Variants in DNMBP observed in about 807,000 individuals in gnomAD.
The protein encoded by DNMBP is dynamin binding protein.
Under a neutral mutation model 150.0 loss-of-function variants are expected in DNMBP, and 87 were observed. That is an observed-to-expected ratio of 0.58 (90% CI 0.49 to 0.69). DNMBP has a LOEUF of 0.69. DNMBP is among the 30% of genes least tolerant of loss of function. DNMBP has a pLI of 0.00. For missense variants in DNMBP, 1,774 were observed against 1,949.0 expected, an observed-to-expected ratio of 0.91 and a Z score of 1.69; for synonymous variants, 711 against 750.4, an observed-to-expected ratio of 0.95 and a Z score of 0.86.
intron 1 of DNMBP, among the ~76,000 whole-genome samples, chr10:99,983,817 T>A (rs986007079): frequency 6.6e-6 from 1 of 152,216 alleles, no homozygotes; most frequent in African/African-American, 2.4e-5. Context: ...CTACTTATAT[T>A]GCAACACTTT....
At position 99,908,076 on chromosome 10, in the gene DNMBP, C is replaced by G. The variant is rs764339114; in HGVS notation, c.2473G>C (p.Glu825Gln). ...ATCTGCATATTTCCAAAAAGTCCCT[C>G]AAAATCAATGTTTGGTACCTGAGAA... is the stretch of plus-strand genomic sequence containing the variant. ...QQAQVPNIDF[E>Q]GLFGNMQMVI... The change falls in exon 6 of 17, where the codon GAG (glutamate) becomes CAG (glutamine). Residue 825 changes from glutamate to glutamine, a missense_variant. Transcript: ENST00000324109. 3.1e-6 allele frequency: 5 copies of G among 1,613,484 alleles called. No homozygotes were observed. The Admixed American group carries it at 6.7e-5, about 22-fold the overall frequency.
chr10:99,904,099 A>G (rs2039786720), intron 6 of DNMBP, among the ~76,000 whole-genome samples: 2 of 152,180 alleles, frequency 1.3e-5, no homozygotes, highest in South Asian at 4.2e-4. Context: ...AACATCGGAC[A>G]TAAAAATTAG....
intron 5 of DNMBP, 27 bp from the exon 6 acceptor site, chr10:99,908,121 A>G (rs2039849713): frequency 1.4e-6 from 2 of 1,481,138 alleles, no homozygotes; most frequent in Non-Finnish European, 9.4e-7. Flanking sequence ...AAACATAAAA[A>G]TGCACGGAAA....
chr10:99,898,231 T>C lies in DNMBP; in HGVS notation c.2775A>G (p.Arg925=). Residue 925 remains arginine, a synonymous_variant, in exon 9 of 17, where the codon AGA becomes AGG. Coordinates refer to ENST00000324109, the MANE Select transcript of DNMBP (RefSeq NM_015221.4). ...TTAGCAACAGCGGGTAACGCATTACTCTCTGTACTGGTTTGATGAGGAAGG... is the reference window on the plus strand; with the variant it reads ...TTAGCAACAGCGGGTAACGCATTACCCTCTGTACTGGTTTGATGAGGAAGG... ...LGSFLIKPVQ[R]VMRYPLLLME... is the part of the protein sequence containing the mutation. 1 of 1,614,074 alleles carries C rather than the reference T, an allele frequency of 6.2e-7. No individual in the cohort carries two copies. The highest frequency in any genetic ancestry group is 8.5e-7 in the Non-Finnish European group (1 of 1,179,946).
chr10:99,946,867 A>G (rs2040362933), intron 4 of DNMBP, among the ~76,000 whole-genome samples: 1 of 152,130 alleles, frequency 6.6e-6, no homozygotes, highest in Admixed American at 6.5e-5. Context: ...TTTATAAGGA[A>G]CTTAACAAGA....
chr10:99,890,353 T>G (rs1274358342), intron 11 of DNMBP, among the ~76,000 whole-genome samples: 1 of 152,230 alleles, frequency 6.6e-6, no homozygotes, highest in Non-Finnish European at 1.5e-5. Context: ...AGGCTTTTCA[T>G]TTTGTGGCAT....
chr10:99,891,273 C>A (rs1036840648), intron 11 of DNMBP, among the ~76,000 whole-genome samples: 13 of 148,294 alleles, frequency 8.8e-5, no homozygotes, highest in African/African-American at 2.5e-4. Context: ...CGGCTCACTG[C>A]AACCTCCCTG....
intron 4 of DNMBP, among the ~76,000 whole-genome samples, chr10:99,917,183 C>A (rs1564731281): frequency 6.6e-6 from 1 of 152,068 alleles, no homozygotes; most frequent in African/African-American, 2.4e-5. Flanking sequence ...ATGGCGAAAA[C>A]CCGTCTCCAC....
At chr10:99,898,470 TC>T in intron 8 of DNMBP, 185 bp from the exon 9 acceptor site, 1 of 695,926 alleles carries the variant, frequency 1.4e-6, no homozygotes, top group South Asian at 1.6e-5. Flanking sequence ...TTTCAGTCAT[TC>T]AACATGTATT....
At chr10:99,916,132 T>C (rs2039962692) in intron 4 of DNMBP, among the ~76,000 whole-genome samples, 1 of 152,252 alleles carries the variant, frequency 6.6e-6, no homozygotes, top group Admixed American at 6.5e-5. Flanking sequence ...CATATTAATA[T>C]GATTGCATTT....
intron 9 of DNMBP, 172 bp from the exon 10 acceptor site, chr10:99,896,569 A>C: frequency 1.5e-6 from 1 of 645,504 alleles, no homozygotes; most frequent in Non-Finnish European, 2.6e-6. Flanking sequence ...AGCACAGCAG[A>C]GAGACAATGG....
Position 99,946,365 on chromosome 10 carries a change from A to G in DNMBP, c.2260+8849T>C, listed in dbSNP as rs554724428. 4.6e-5 allele frequency among the ~76,000 whole-genome samples: 7 copies of G among 152,374 alleles called. No homozygotes were observed. In the South Asian group the frequency reaches 1.4e-3, roughly 32 times the overall value. The stretch of plus-strand genomic sequence containing the variant: ...TAGTCACAAAACAAAGATCAACACT[A>G]TCAGATAGAGCAACTAATGCTCTGT... On this transcript the variant is annotated intron_variant, in intron 4 of 16. Coordinates refer to ENST00000324109, the MANE Select transcript of DNMBP (RefSeq NM_015221.4).
intron 3 of DNMBP, among the ~76,000 whole-genome samples, chr10:99,962,626 G>A (rs543372341): frequency 1.4e-4 from 21 of 148,898 alleles, no homozygotes; most frequent in African/African-American, 4.3e-4. Flanking sequence ...GCGAGACTCC[G>A]TCTCAAAAAA....
At chr10:99,935,010 CG>C (rs1171166314) in intron 4 of DNMBP, among the ~76,000 whole-genome samples, 3 of 119,028 alleles carry the variant, frequency 2.5e-5, no homozygotes, top group African/African-American at 9.7e-5. Flanking sequence ...CAGTTGAGCC[CG>C]GGTGGTCAAG....
At chr10:99,975,488 C>A (rs560615615) in intron 1 of DNMBP, among the ~76,000 whole-genome samples, 1 of 152,156 alleles carries the variant, frequency 6.6e-6, no homozygotes, top group East Asian at 1.9e-4. Flanking sequence ...ACAAACATTA[C>A]CTATTTAATT....
At chr10:99,934,026 G>A (rs1180596968) in intron 4 of DNMBP, among the ~76,000 whole-genome samples, 1 of 152,184 alleles carries the variant, frequency 6.6e-6, no homozygotes, top group African/African-American at 2.4e-5. Context: ...GTGAGCCACT[G>A]CGCCCAGCCT....
intron 3 of DNMBP, among the ~76,000 whole-genome samples, chr10:99,968,377 GA>G (rs1314557572): frequency 1.3e-5 from 2 of 151,762 alleles, no homozygotes; most frequent in Non-Finnish European, 2.9e-5. Flanking sequence ...GTTTTTAAAA[GA>G]AAAAAAGAGA....
intron 14 of DNMBP, among the ~76,000 whole-genome samples, chr10:99,884,469 G>A (rs546967523): frequency 1.3e-5 from 2 of 152,088 alleles, no homozygotes; most frequent in African/African-American, 2.4e-5. Context: ...TGTGACAAAC[G>A]TGATTAAAAT....
At chr10:99,895,563 CCT>C (rs1194876342) in intron 10 of DNMBP, among the ~76,000 whole-genome samples, 1 of 152,216 alleles carries the variant, frequency 6.6e-6, no homozygotes, top group Non-Finnish European at 1.5e-5. Flanking sequence ...CTCCTTTAAA[CCT>C]TCTTTGCAAG....
Sources: allele counts gnomAD v4.1 joint callset (sites outside exome capture counted in the v4.1 genomes callset), GRCh38; gene constraint gnomAD v4.1.1; transcripts MANE v1.5; gene names NCBI Gene and HGNC (gene_info 2026-07-23, HGNC 2026-07-21).